Variants in PPP1R14C observed in about 807,000 individuals in gnomAD.
PPP1R14C encodes the protein protein phosphatase 1 regulatory inhibitor subunit 14C.
Under a neutral mutation model 20.4 loss-of-function variants are expected in PPP1R14C, and 16 were observed. The ratio of observed to expected loss-of-function variants is 0.78; its 90% confidence interval spans 0.53 to 1.19. The LOEUF (loss-of-function observed/expected upper bound fraction) is 1.19, where lower values mean the gene tolerates loss of function less well. Among genes scored for constraint, PPP1R14C ranks in the 50% most tolerant of loss-of-function variants. The probability of loss-of-function intolerance (pLI) is 0.00; values close to 1 mark genes in which losing one functional copy is unlikely to be tolerated. For missense variants in PPP1R14C, 211 were observed against 220.1 expected, an observed-to-expected ratio of 0.96 and a Z score of 0.26; for synonymous variants, 91 against 91.0, an observed-to-expected ratio of 1.00 and a Z score of 0.00.
chr6:150,221,174 A>T (rs1283385508), intron 3 of PPP1R14C, among the ~76,000 whole-genome samples: 1 of 152,266 alleles, frequency 6.6e-6, no homozygotes, highest in African/African-American at 2.4e-5. Context: ...GACAATTAAT[A>T]GCTTATATTT....
intron 3 of PPP1R14C, among the ~76,000 whole-genome samples, chr6:150,223,954 A>G (rs1474822268): frequency 6.6e-6 from 1 of 152,122 alleles, no homozygotes; most frequent in African/African-American, 2.4e-5. Flanking sequence ...TTTCTCCTAC[A>G]TTACCTTTTG....
rs753825827 is a variant in PPP1R14C, at chr6:150,225,185, CAG to C, written c.423+8331_423+8332del. 1.3e-3 allele frequency among the ~76,000 whole-genome samples: 196 copies of C among 152,202 alleles called. 1 individual carries two copies. The highest frequency in any genetic ancestry group is 2.6e-3 in the Admixed American group (40 of 15,280). On this transcript the variant is annotated intron_variant, in intron 3 of 3. Transcript: ENST00000361131. Reference sequence around the variant, plus strand: ...AAAAGAAGAAGAAAAAGAAGAAGAACAGAATGCTCCGGTGTATTTCAAAATGG... The same window carrying C: ...AAAAGAAGAAGAAAAAGAAGAAGAACAATGCTCCGGTGTATTTCAAAATGG...
At chr6:150,161,162 C>T (rs1046708418) in intron 1 of PPP1R14C, among the ~76,000 whole-genome samples, 2 of 151,994 alleles carry the variant, frequency 1.3e-5, no homozygotes, top group Non-Finnish European at 2.9e-5. Flanking sequence ...CTCCTGTAAT[C>T]CCAGCTACTC....
At chr6:150,168,547 A>G (rs1481140452) in intron 1 of PPP1R14C, among the ~76,000 whole-genome samples, 1 of 150,974 alleles carries the variant, frequency 6.6e-6, no homozygotes, top group East Asian at 2.0e-4. Flanking sequence ...AAAACAAAAC[A>G]AAACAAAACA....
rs748743010 is a variant in PPP1R14C, at chr6:150,248,711, T to C, written c.424-35T>C. 5.1e-6 allele frequency: 7 copies of C among 1,364,514 alleles called. No individual in the cohort carries two copies. In the African/African-American group the frequency reaches 8.6e-5, roughly 17 times the overall value. 84.5% of individuals were successfully genotyped at this position (1,364,514 alleles called of 1,614,324 possible). On this transcript the variant is annotated intron_variant, in intron 3 of 3. Coordinates refer to ENST00000361131, the MANE Select transcript of PPP1R14C (RefSeq NM_030949.3). ...ATTTTTAAACACAGAATTTTAATAG[T>C]GACCCTCATATTAACTTCTTCTGAT...
intron 1 of PPP1R14C, among the ~76,000 whole-genome samples, chr6:150,191,164 A>G (rs1017380971): frequency 6.6e-6 from 1 of 152,044 alleles, no homozygotes; most frequent in Non-Finnish European, 1.5e-5. Context: ...CACCTTCAGG[A>G]CCTTATCATA....
At chr6:150,210,552 G>A (rs1348438390) in intron 1 of PPP1R14C, among the ~76,000 whole-genome samples, 1 of 152,174 alleles carries the variant, frequency 6.6e-6, no homozygotes, top group African/African-American at 2.4e-5. Flanking sequence ...CCCCTGTCTT[G>A]TTCTGGAGCC....
At chr6:150,204,200 C>T (rs1413899650) in intron 1 of PPP1R14C, among the ~76,000 whole-genome samples, 2 of 152,222 alleles carry the variant, frequency 1.3e-5, no homozygotes, top group African/African-American at 2.4e-5. Context: ...ATTGTCCTTG[C>T]CATCTTTAGC....
intron 3 of PPP1R14C, among the ~76,000 whole-genome samples, chr6:150,238,571 C>T (rs1582933906): frequency 2.0e-5 from 3 of 152,376 alleles, no homozygotes; most frequent in East Asian, 1.9e-4. Flanking sequence ...GTCCTTTGCC[C>T]GCAGGGCACC....
intron 1 of PPP1R14C, among the ~76,000 whole-genome samples, chr6:150,150,737 A>G (rs942232411): frequency 6.6e-6 from 1 of 152,090 alleles, no homozygotes; most frequent in Non-Finnish European, 1.5e-5. Flanking sequence ...CCTCCTCTGC[A>G]AGCTAGACCA....
At chr6:150,192,516 C>T (rs935557534) in intron 1 of PPP1R14C, among the ~76,000 whole-genome samples, 1 of 152,156 alleles carries the variant, frequency 6.6e-6, no homozygotes, top group Non-Finnish European at 1.5e-5. Flanking sequence ...TGCCCATGTT[C>T]ACCTCCTACT....
At position 150,143,902 on chromosome 6, in the gene PPP1R14C, C is replaced by T. The variant is rs1777153129; in HGVS notation, c.306+404C>T. On this transcript the variant is annotated intron_variant, in intron 1 of 3. Coordinates refer to ENST00000361131, the MANE Select transcript of PPP1R14C (RefSeq NM_030949.3). This position sits in a 1 kb window ranked among gnomAD's most constrained non-coding sequence, Gnocchi z 5.6. ...CAGCAGCCAAAGAGAGCAGCGCTCA[C>T]TGCTGGGATCCGGGCAGCCCTGATT... Among the ~76,000 whole-genome samples, 1 of 152,228 alleles carries T rather than the reference C, an allele frequency of 6.6e-6. No homozygotes were observed. Among genetic ancestry groups the T allele is most frequent in the Non-Finnish European group, 1.5e-5 (1 of 68,042 alleles).
chr6:150,211,965 G>T (rs190279991), intron 1 of PPP1R14C, among the ~76,000 whole-genome samples: 1 of 152,292 alleles, frequency 6.6e-6, no homozygotes, highest in East Asian at 1.9e-4. Flanking sequence ...TGAGATCTGG[G>T]CTTTGTTTGC....
chr6:150,247,766 A>T (rs575853147), intron 3 of PPP1R14C, among the ~76,000 whole-genome samples: 1 of 152,290 alleles, frequency 6.6e-6, no homozygotes, highest in African/African-American at 2.4e-5. Flanking sequence ...AGTGATAAGT[A>T]GCATCAGTGT....
chr6:150,249,204 T>C lies in PPP1R14C; in HGVS notation c.*384T>C. On this transcript the variant is annotated 3_prime_UTR_variant, in exon 4 of 4. Transcript: ENST00000361131. ...ACAAGTAGTTTGGTAATATTTTTTT[T>C]CTTAAGTTGTACATTTGACTCAGCT... 2 of 399,444 alleles carry C rather than the reference T, an allele frequency of 5.0e-6. No homozygotes were observed. Among genetic ancestry groups the C allele is most frequent in the Non-Finnish European group, 8.8e-6 (2 of 226,924 alleles). The allele number at this position is 399,444 out of a possible 1,614,324, so 24.7% of individuals were successfully genotyped here. A position where few individuals can be genotyped will look rare whatever the true frequency, so the allele number is the denominator to read the frequency against.
In PPP1R14C at chr6:150,143,635, C is replaced by A. The variant is rs1305594648; in HGVS notation, c.306+137C>A. 7.6e-6 allele frequency: 5 copies of A among 656,264 alleles called. No homozygotes were observed. The highest frequency in any genetic ancestry group is 1.0e-5 in the Non-Finnish European group (4 of 399,786). The allele number at this position is 656,264 out of a possible 1,614,324, so 40.7% of individuals were successfully genotyped here. ...ACCAAGTGCCAGGAGCGAGGCGCGG[C>A]GCCTTCTCTCCCCCGCGGTGCCCTC... is the stretch of plus-strand genomic sequence containing the variant. On this transcript the variant is annotated intron_variant, in intron 1 of 3. Coordinates refer to ENST00000361131, the MANE Select transcript of PPP1R14C (RefSeq NM_030949.3). This position sits in a 1 kb window ranked among gnomAD's most constrained non-coding sequence, Gnocchi z 5.6.
chr6:150,165,884 A>G (rs1777416596), intron 1 of PPP1R14C, among the ~76,000 whole-genome samples: 1 of 152,194 alleles, frequency 6.6e-6, no homozygotes, highest in African/African-American at 2.4e-5. Context: ...ATTCAGCGAG[A>G]AGTTAAGTAC....
At chr6:150,226,686 G>A (rs1364927193) in intron 3 of PPP1R14C, among the ~76,000 whole-genome samples, 1 of 151,896 alleles carries the variant, frequency 6.6e-6, no homozygotes, top group Non-Finnish European at 1.5e-5. Context: ...ATAAACATCA[G>A]GTTTTTCTTT....
rs560644777 is a variant in PPP1R14C, at chr6:150,225,303, C to T, written c.423+8447C>T. On this transcript the variant is annotated intron_variant, in intron 3 of 3. Coordinates refer to ENST00000361131, the MANE Select transcript of PPP1R14C (RefSeq NM_030949.3). ...TGGGAGAATTCTTAGAGGTAAGACT[C>T]GTACAAAGGTATGCTCCTACCTCTG... 9.2e-5 allele frequency among the ~76,000 whole-genome samples: 14 copies of T among 152,238 alleles called. No individual in the cohort carries two copies. The South Asian group carries it at 1.7e-3, about 18-fold the overall frequency.
Sources: allele counts gnomAD v4.1 joint callset (sites outside exome capture counted in the v4.1 genomes callset), GRCh38; gene constraint gnomAD v4.1.1; non-coding constraint Gnocchi (gnomAD v3.1); transcripts MANE v1.5; gene names NCBI Gene and HGNC (gene_info 2026-07-23, HGNC 2026-07-21).